The following DLG2 variants were observed in gnomAD, a reference collection of about 807,000 sequenced individuals.
DLG2 encodes the protein discs large MAGUK scaffold protein 2, also known as disks large homolog 2.
DLG2 carries 45 observed loss-of-function variants against 132.5 expected under a neutral mutation model. The observed-to-expected ratio is 0.34, with a 90% CI of 0.27 to 0.44. The LOEUF is 0.44. DLG2 is among the 20% of genes least tolerant of loss of function. The pLI is 1.00. For synonymous variants in DLG2, 424 were observed against 419.6 expected (o/e 1.01, Z -0.13); for missense variants, 1,045 against 1,196.9 (o/e 0.87, Z 1.87).
chr11:85,213,655 T>C (rs985816479), intron 4 of DLG2, among the ~76,000 whole-genome samples: 2 of 152,138 alleles, frequency 1.3e-5, no homozygotes, highest in African/African-American at 4.8e-5. Context: ...CTGTTGATGT[T>C]AATGCTGGTC....
intron 11 of DLG2, among the ~76,000 whole-genome samples, chr11:84,056,653 GAAGTT>G (rs1485862952): frequency 6.6e-6 from 1 of 152,152 alleles, no homozygotes; most frequent in Non-Finnish European, 1.5e-5. Context: ...GGTGCCAAGT[GAAGTT>G]AAGACCACGA....
chr11:85,021,546 G>C (rs777429475), intron 6 of DLG2: 163 of 1,588,108 alleles, frequency 1.0e-4, no homozygotes, highest in Middle Eastern at 5.0e-4. Context: ...ACTTCGAAAA[G>C]ATTGCCTCCA....
chr11:84,071,567 T>G (rs969484997), intron 10 of DLG2, among the ~76,000 whole-genome samples: 1 of 152,172 alleles, frequency 6.6e-6, no homozygotes, highest in African/African-American at 2.4e-5. Flanking sequence ...TTATTCTACC[T>G]AATTCTAGCC....
At chr11:83,594,387 A>G (rs191923720) in intron 19 of DLG2, among the ~76,000 whole-genome samples, 1 of 152,334 alleles carries the variant, frequency 6.6e-6, no homozygotes, top group African/African-American at 2.4e-5. Flanking sequence ...CATTTAAGAA[A>G]TATGTTGCAT....
intron 6 of DLG2, among the ~76,000 whole-genome samples, chr11:84,578,401 G>A (rs1472208772): frequency 6.6e-6 from 1 of 152,150 alleles, no homozygotes. Flanking sequence ...GTTGTACCCT[G>A]CAAAGCCACA....
At chr11:83,739,195 T>C (rs931315029) in intron 18 of DLG2, among the ~76,000 whole-genome samples, 11 of 152,260 alleles carry the variant, frequency 7.2e-5, no homozygotes, top group African/African-American at 2.2e-4. Flanking sequence ...TTAAGATAAT[T>C]TGAATCACAG....
At chr11:83,557,242 GGTTT>G (rs1259118916) in intron 19 of DLG2, among the ~76,000 whole-genome samples, 2 of 152,166 alleles carry the variant, frequency 1.3e-5, no homozygotes, top group Admixed American at 1.3e-4. Context: ...CTTTCTATTT[GGTTT>G]GTTTGTTAAA....
At chr11:85,489,292 G>T (rs373639092) in intron 3 of DLG2, among the ~76,000 whole-genome samples, 28 of 151,974 alleles carry the variant, frequency 1.8e-4, no homozygotes, top group African/African-American at 6.5e-4. Context: ...CAGATAAAAT[G>T]GTCATGGACA....
chr11:85,439,854 T>A (rs777071783), intron 3 of DLG2, among the ~76,000 whole-genome samples: 3 of 152,130 alleles, frequency 2.0e-5, no homozygotes, highest in Non-Finnish European at 2.9e-5. Context: ...ATGCCTGGAG[T>A]TAAGCAGGAA....
chr11:84,292,794 A>G (rs553709895), intron 7 of DLG2, among the ~76,000 whole-genome samples: 1 of 152,268 alleles, frequency 6.6e-6, no homozygotes, highest in African/African-American at 2.4e-5. Context: ...GAAGGGAGAT[A>G]AATTAGATGT....
Position 83,797,311 on chromosome 11 carries a change from T to C in DLG2, c.1723-10519A>G, listed in dbSNP as rs996159174. ...ACACTTAATATGTGCCAGGCACTGT[T>C]ATAAGCATTTGATATACAGAAATTC... On this transcript the variant is annotated intron_variant, in intron 17 of 27. Coordinates refer to ENST00000376104, the MANE Select transcript of DLG2 (RefSeq NM_001142699.3). Among the ~76,000 whole-genome samples the C allele has an allele frequency of 1.2e-4, 18 of 152,294 alleles. No homozygotes were observed. The East Asian group carries it at 3.5e-3, about 29-fold the overall frequency.
intron 6 of DLG2, among the ~76,000 whole-genome samples, chr11:84,619,736 T>A (rs2099610649): frequency 6.6e-6 from 1 of 151,628 alleles, no homozygotes; most frequent in Admixed American, 6.6e-5. Flanking sequence ...CGAAAGTTTT[T>A]CAAAATTAAT....
chr11:84,326,254 T>A (rs2098431664), intron 7 of DLG2, among the ~76,000 whole-genome samples: 1 of 152,100 alleles, frequency 6.6e-6, no homozygotes, highest in Non-Finnish European at 1.5e-5. Flanking sequence ...AATTATTTTC[T>A]TCCTTCTGCT....
chr11:83,994,979 ATT>A (rs67876577), intron 11 of DLG2, among the ~76,000 whole-genome samples: 3,171 of 136,232 alleles, frequency 0.023, 40 homozygotes, highest in Middle Eastern at 0.035. Context: ...TTCTGTGTCC[ATT>A]TTTTTTTTTT....
At chr11:84,935,536 C>A (rs2154093947) in intron 6 of DLG2, among the ~76,000 whole-genome samples, 1 of 152,268 alleles carries the variant, frequency 6.6e-6, no homozygotes, top group African/African-American at 2.4e-5. Context: ...GACCCTCCTA[C>A]CTGCTTTTCC....
At chr11:85,345,448 T>C (rs1425538460) in intron 3 of DLG2, among the ~76,000 whole-genome samples, 4 of 152,144 alleles carry the variant, frequency 2.6e-5, no homozygotes, top group Admixed American at 2.0e-4. Context: ...AGGTAGTACA[T>C]AGTTTTACAC....
intron 6 of DLG2, among the ~76,000 whole-genome samples, chr11:84,836,822 T>C (rs2079849843): frequency 6.6e-6 from 1 of 151,858 alleles, no homozygotes; most frequent in Non-Finnish European, 1.5e-5. Flanking sequence ...TAAACAGGGC[T>C]CTCAAATGAT....
At chr11:83,680,896 A>AT (rs5793079) in intron 18 of DLG2, among the ~76,000 whole-genome samples, 41,646 of 151,288 alleles carry the variant, frequency 0.28, 6,179 homozygotes, top group South Asian at 0.32. Context: ...AAATGCATAC[A>AT]TTTTTTTCAA....
chr11:84,080,954 T>C (rs2096893213), intron 10 of DLG2, among the ~76,000 whole-genome samples: 1 of 150,942 alleles, frequency 6.6e-6, no homozygotes, highest in Non-Finnish European at 1.5e-5. Flanking sequence ...ATCGCACCAT[T>C]GCACTCCAAC....
Sources: allele counts gnomAD v4.1 joint callset (sites outside exome capture counted in the v4.1 genomes callset), GRCh38; gene constraint gnomAD v4.1.1; transcripts MANE v1.5; gene names NCBI Gene and HGNC (gene_info 2026-07-23, HGNC 2026-07-21).